HERC1: variants seen among roughly 807,000 people sequenced by gnomAD.
The protein encoded by HERC1 is HECT and RLD domain containing E3 ubiquitin protein ligase family member 1.
Under a neutral mutation model 554.3 loss-of-function variants are expected in HERC1, and 160 were observed. That is an observed-to-expected ratio of 0.29 (90% CI 0.25 to 0.33). HERC1 has a LOEUF of 0.33. HERC1 is among the 10% of genes least tolerant of loss of function. The pLI, the probability that HERC1 is intolerant of heterozygous loss-of-function variation, is 1.00. For synonymous variants in HERC1, 2,175 were observed against 2,131.7 expected, an observed-to-expected ratio of 1.02 and a Z score of -0.56; for missense variants, 4,919 against 5,918.5, an observed-to-expected ratio of 0.83 and a Z score of 5.54.
Position 63,734,061 on chromosome 15 carries a change from A to G in HERC1, c.2646+663T>C, listed in dbSNP as rs895271853. ...ACGTGCCAGCAGTCTTAGCTACTCC[A>G]GAGGCCAAGGCAGTAAGATCCCTTG... On this transcript the variant is annotated intron_variant, in intron 13 of 77. Transcript: ENST00000443617. The surrounding 1 kb of genome is among the most constrained non-coding windows in gnomAD (Gnocchi z 4.6). 2.0e-5 allele frequency among the ~76,000 whole-genome samples: 3 copies of G among 151,944 alleles called. No individual in the cohort carries two copies. Among genetic ancestry groups the G allele is most frequent in the African/African-American group, 7.3e-5 (3 of 41,366 alleles).
intron 2 of HERC1, among the ~76,000 whole-genome samples, chr15:63,772,058 G>T (rs1004919433): frequency 6.6e-6 from 1 of 151,710 alleles, no homozygotes; most frequent in Non-Finnish European, 1.5e-5. Flanking sequence ...GGAGGTGGAG[G>T]TTGCAGTGAA....
In HERC1 at chr15:63,746,993, G is replaced by A. The variant is rs753093396; in HGVS notation, c.2445C>T (p.Leu815=). ...TTCGAAGTGGACCTGCCTGCCTCCC[G>A]AGAATGCTGGTAGCTACCCCTCCCG... ...ALAGGVATSI[L]GRQAGPLRNL... The change falls in exon 12 of 78, where the codon CTC becomes CTT. Residue 815 remains leucine, a synonymous_variant. Coordinates refer to ENST00000443617, the MANE Select transcript of HERC1 (RefSeq NM_003922.4). 38 of 1,572,274 alleles carry A rather than the reference G, an allele frequency of 2.4e-5. No individual in the cohort carries two copies. The highest frequency in any genetic ancestry group is 1.7e-4 in the Middle Eastern group (1 of 6,042).
chr15:63,698,643 G>A (rs1412239127), intron 26 of HERC1, 85 bp downstream of exon 26: 8 of 1,349,934 alleles, frequency 5.9e-6, no homozygotes, highest in Non-Finnish European at 8.0e-6. Context: ...AGAAGAAAAG[G>A]AAAGGTTTTC....
chr15:63,634,917 T>G, intron 65 of HERC1, 29 bp from the exon 66 acceptor site: 2 of 1,540,968 alleles, frequency 1.3e-6, no homozygotes, highest in Non-Finnish European at 1.8e-6. Context: ...GAAAGAAAAT[T>G]TTTAAGAAGG....
intron 12 of HERC1, among the ~76,000 whole-genome samples, chr15:63,736,004 C>T (rs2074486861): frequency 6.6e-6 from 1 of 152,068 alleles, no homozygotes; most frequent in South Asian, 2.1e-4. Context: ...TTTCCAAAAG[C>T]CCATCTAAAA....
chr15:63,693,581 G>T (rs912843114), intron 30 of HERC1, among the ~76,000 whole-genome samples: 1 of 143,196 alleles, frequency 7.0e-6, no homozygotes, highest in Non-Finnish European at 1.6e-5. Flanking sequence ...GTTAGAGATG[G>T]CTTGTCAGGA....
intron 76 of HERC1, among the ~76,000 whole-genome samples, chr15:63,615,224 A>G (rs1408725414): frequency 6.6e-6 from 1 of 152,198 alleles, no homozygotes; most frequent in African/African-American, 2.4e-5. Context: ...AAACAGTCTC[A>G]ATCCAACCAA....
intron 1 of HERC1, among the ~76,000 whole-genome samples, chr15:63,791,457 C>T (rs1212899923): frequency 1.3e-5 from 2 of 152,042 alleles, no homozygotes; most frequent in Non-Finnish European, 2.9e-5. Flanking sequence ...GCAAGATTTG[C>T]CAAACATAAG....
At position 63,729,227 on chromosome 15, in the gene HERC1, C is replaced by T. The variant is rs752862077; in HGVS notation, c.3154+9G>A. On this transcript the variant is annotated intron_variant, in intron 16 of 77. Transcript: ENST00000443617. ...ACTGATTAAATTTGAAATGAAATAC[C>T]AAACTCACCTCTTAATTTTTCTCCA... 1.3e-6 allele frequency: 2 copies of T among 1,588,604 alleles called. No homozygotes were observed. The highest frequency in any genetic ancestry group is 2.2e-5 in the East Asian group (1 of 44,704).
chr15:63,634,311 C>G (rs1246900421), intron 66 of HERC1, among the ~76,000 whole-genome samples: 2 of 152,108 alleles, frequency 1.3e-5, no homozygotes, highest in Non-Finnish European at 2.9e-5. Flanking sequence ...AAAATATTTC[C>G]TTGTTAAAGG....
Position 63,674,928 on chromosome 15 carries a change from A to G in HERC1, c.7260T>C (p.His2420=), listed in dbSNP as rs779272519. 8.1e-6 allele frequency: 13 copies of G among 1,613,966 alleles called. No homozygotes were observed. The South Asian group carries it at 1.2e-4, about 15-fold the overall frequency. The change falls in exon 38 of 78, where the codon CAT becomes CAC. Residue 2420 remains histidine (H), a synonymous_variant. Coordinates refer to ENST00000443617, the MANE Select transcript of HERC1 (RefSeq NM_003922.4). ...CAACATCCCCTTTCTCCTCGGATTC[A>G]TGTCGGTGTTTCTTTTCATGTCGTT... ...STKRHEKKHR[H]ESEEKGDVEQ...
At position 63,666,020 on chromosome 15, in the gene HERC1, A is replaced by C; in HGVS notation, c.8454T>G (p.Val2818=). 1 of 1,613,962 alleles carries C rather than the reference A, an allele frequency of 6.2e-7. No homozygotes were observed. The highest frequency in any genetic ancestry group is 8.5e-7 in the Non-Finnish European group (1 of 1,179,876). The change falls in exon 42 of 78, where the codon GTT becomes GTG. Residue 2818 remains valine (V), a synonymous_variant. Transcript: ENST00000443617. The part of the protein sequence containing the change: ...STADSRPGAA[V]LGSGGKSNDP... ...CATTTGACTTCCCGCCACTGCCTAG[A>C]ACGGCTGCTCCAGGCCTAGAGTCTG...
chr15:63,611,911 G>C (rs73441919), intron 77 of HERC1, among the ~76,000 whole-genome samples: 3 of 152,154 alleles, frequency 2.0e-5, no homozygotes, highest in Non-Finnish European at 2.9e-5. Context: ...AGGGCCAGGC[G>C]TGTTGGCTCA....
At chr15:63,628,002 C>T (rs2068376802) in intron 70 of HERC1, among the ~76,000 whole-genome samples, 1 of 152,198 alleles carries the variant, frequency 6.6e-6, no homozygotes. Flanking sequence ...AAATGGTTAA[C>T]TAAGGTGAGG....
At chr15:63,679,481 G>C (rs768121259) in intron 36 of HERC1, among the ~76,000 whole-genome samples, 3 of 152,102 alleles carry the variant, frequency 2.0e-5, no homozygotes, top group Non-Finnish European at 4.4e-5. Context: ...CTTGAGACTT[G>C]ACTTAAGCTG....
In HERC1 at chr15:63,669,602, TTCA is replaced by T; in HGVS notation, c.8139_8141del (p.Asp2713del). The T allele has an allele frequency of 6.2e-7, 1 of 1,613,652 alleles. No individual in the cohort carries two copies. The highest frequency in any genetic ancestry group is 8.5e-7 in the Non-Finnish European group (1 of 1,179,534). On this transcript the variant is annotated inframe_deletion, in exon 40 of 78. Transcript: ENST00000443617. Reference sequence around the variant, plus strand: ...AAGTTAAACTTTGCCTCCTTCCTACTTCATCAGAAGGAGAGGTTGGTAACGAAG... The same window carrying T: ...AAGTTAAACTTTGCCTCCTTCCTACTTCAGAAGGAGAGGTTGGTAACGAAG...
intron 1 of HERC1, among the ~76,000 whole-genome samples, chr15:63,824,922 A>G (rs1204343667): frequency 6.6e-6 from 1 of 152,076 alleles, no homozygotes; most frequent in African/African-American, 2.4e-5. Context: ...AGAAACAGAG[A>G]CTAGAACAGT....
chr15:63,730,280 C>T (rs2074235069), intron 14 of HERC1, among the ~76,000 whole-genome samples: 1 of 151,764 alleles, frequency 6.6e-6, no homozygotes, highest in South Asian at 2.1e-4. Context: ...CACAGCAAGA[C>T]TTCACCTCTA....
chr15:63,628,889 T>G (rs1319688070), intron 69 of HERC1, 74 bp from the exon 70 acceptor site: 2 of 1,432,652 alleles, frequency 1.4e-6, no homozygotes, highest in East Asian at 4.6e-5. Context: ...AAATTTTTCT[T>G]AGATGGTGGC....
Sources: allele counts gnomAD v4.1 joint callset (sites outside exome capture counted in the v4.1 genomes callset), GRCh38; gene constraint gnomAD v4.1.1; non-coding constraint Gnocchi (gnomAD v3.1); transcripts MANE v1.5; gene names NCBI Gene and HGNC (gene_info 2026-07-23, HGNC 2026-07-21).